The following CTTN variants were observed in gnomAD, a reference collection of about 807,000 sequenced individuals.
The protein encoded by CTTN is cortactin, also known as src substrate cortactin.
A neutral mutation model predicts 84.0 loss-of-function variants in CTTN; 28 were observed. The ratio of observed to expected loss-of-function variants is 0.33; its 90% CI spans 0.25 to 0.46. The LOEUF is 0.46. Ranked by LOEUF, CTTN falls within the 20% of genes least tolerant of loss-of-function variation. CTTN has a pLI of 1.00. For synonymous variants in CTTN, 301 were observed against 288.8 expected (o/e 1.04, Z -0.43); for missense variants, 641 against 723.8 (o/e 0.89, Z 1.31).
At chr11:70,398,683 G>A (rs2057938087) in intron 1 of CTTN, 69 bp downstream of exon 1, 1 of 152,198 alleles carries the variant, frequency 6.6e-6, no homozygotes, top group Admixed American at 6.6e-5. Flanking sequence ...GGCGTCGCCT[G>A]GCCGCGAAAG....
rs754487720 is a variant in CTTN, at chr11:70,435,559, G to A, written c.*397G>A. ...CAGGACAAGCACGAGGCCTCAGGTC[G>A]GCCCTGTGGCGGGTAGGCAGGAAGG... On this transcript the variant is annotated 3_prime_UTR_variant, in exon 18 of 18. Transcript: ENST00000301843. The A allele has an allele frequency of 8.1e-5, 128 of 1,577,658 alleles. No homozygotes were observed. In the East Asian group the frequency reaches 2.6e-3, roughly 32 times the overall value.
At chr11:70,422,505 A>G (rs1319562957) in intron 11 of CTTN, 2 of 1,289,956 alleles carry the variant, frequency 1.6e-6, no homozygotes, top group African/African-American at 3.0e-5. Context: ...TTTCTCTTAA[A>G]AAGCAAGAGA....
At chr11:70,434,728 A>G (rs951876269) in intron 17 of CTTN, among the ~76,000 whole-genome samples, 1 of 152,200 alleles carries the variant, frequency 6.6e-6, no homozygotes, top group Non-Finnish European at 1.5e-5. Context: ...AGAGAGGGGA[A>G]GGGAGGGCAG....
chr11:70,428,459 C>T (rs1396344820), intron 13 of CTTN, among the ~76,000 whole-genome samples: 6 of 152,028 alleles, frequency 3.9e-5, no homozygotes, highest in Non-Finnish European at 7.4e-5. Context: ...CCACCATGCC[C>T]GGCCATATTC....
At chr11:70,425,964 A>G (rs1638624211) in intron 13 of CTTN, among the ~76,000 whole-genome samples, 3 of 152,226 alleles carry the variant, frequency 2.0e-5, no homozygotes, top group Admixed American at 2.0e-4. Flanking sequence ...TAAATTTAAC[A>G]CAGGATGCAG....
chr11:70,428,906 C>T, intron 13 of CTTN, 145 bp from the exon 14 acceptor site: 2 of 989,514 alleles, frequency 2.0e-6, no homozygotes, highest in Non-Finnish European at 3.1e-6. Context: ...GTGGGCTGAG[C>T]TGGCAGCTGC....
At position 70,431,292 on chromosome 11, in the gene CTTN, T is replaced by C; in HGVS notation, c.1266+12T>C. 6.2e-7 allele frequency: 1 copy of C among 1,613,782 alleles called. No homozygotes were observed. Among genetic ancestry groups the C allele is most frequent in the Non-Finnish European group, 8.5e-7 (1 of 1,179,762 alleles). On this transcript the variant is annotated intron_variant, in intron 15 of 17. Coordinates refer to ENST00000301843, the MANE Select transcript of CTTN (RefSeq NM_005231.4). ...GCCCCGTCTATGAGGTTGGTGTCTT[T>C]GGTGTTTGAATGAGCGTGAGTGACT...
Position 70,429,039 on chromosome 11 carries a change from C to T in CTTN, c.1028-12C>T. Reference sequence around the variant, plus strand: ...GTGCTCAAGGCACACGTCCTCCCTCCTTCCTCTATAGTGACCAGCAAAACA... The same window carrying T: ...GTGCTCAAGGCACACGTCCTCCCTCTTTCCTCTATAGTGACCAGCAAAACA... On this transcript the variant is annotated splice_polypyrimidine_tract_variant and intron_variant, in intron 13 of 17. Coordinates refer to ENST00000301843, the MANE Select transcript of CTTN (RefSeq NM_005231.4). 1 of 1,614,076 alleles carries T rather than the reference C, an allele frequency of 6.2e-7. No homozygotes were observed. Among genetic ancestry groups the T allele is most frequent in the Non-Finnish European group, 8.5e-7 (1 of 1,179,928 alleles).
chr11:70,436,463 G>GCTCATTGTGGTAA lies in CTTN; in HGVS notation c.*1301_*1302insCTCATTGTGGTAA. On this transcript the variant is annotated 3_prime_UTR_variant, in exon 18 of 18. Coordinates refer to ENST00000301843, the MANE Select transcript of CTTN (RefSeq NM_005231.4). ...CTCATCATCCTTGCTTTACCACAAT[G>GCTCATTGTGGTAA]AGCAATGAGGTCGGGTTTTATATGC... is the stretch of plus-strand genomic sequence containing the variant. 6.6e-7 allele frequency: 1 copy of GCTCATTGTGGTAA among 1,511,388 alleles called. No homozygotes were observed. Among genetic ancestry groups the GCTCATTGTGGTAA allele is most frequent in the Non-Finnish European group, 9.1e-7 (1 of 1,104,738 alleles). The allele number at this position is 1,511,388 out of a possible 1,614,324, so 93.6% of individuals were successfully genotyped here.
chr11:70,420,044 T>C, intron 9 of CTTN, 188 bp downstream of exon 9: 1 of 615,578 alleles, frequency 1.6e-6, no homozygotes, highest in Non-Finnish European at 2.9e-6. Context: ...GCAGCTTGAG[T>C]GTTATGGCGC....
chr11:70,422,127 G>A (rs1339638689), intron 11 of CTTN: 5 of 270,734 alleles, frequency 1.8e-5, no homozygotes, highest in East Asian at 8.4e-5. Context: ...GACACCATAT[G>A]TGTGTAACAT....
At chr11:70,428,275 C>T (rs1330107047) in intron 13 of CTTN, among the ~76,000 whole-genome samples, 2 of 149,694 alleles carry the variant, frequency 1.3e-5, no homozygotes, top group Non-Finnish European at 1.5e-5. Context: ...AAGCGATTCT[C>T]CTGCCTCAGC....
In CTTN at chr11:70,435,386, C is replaced by T. The variant is rs538973171; in HGVS notation, c.*224C>T. The T allele has an allele frequency of 1.3e-6, 2 of 1,491,138 alleles. No homozygotes were observed. Among genetic ancestry groups the T allele is most frequent in the East Asian group, 2.5e-5 (1 of 40,402 alleles). 92.4% of individuals were successfully genotyped at this position (1,491,138 alleles called of 1,614,324 possible). The stretch of plus-strand genomic sequence containing the variant: ...TTGCTAATATATTGTAATCACATTC[C>T]TTAGGAGGACTTTGGTAATTGGTTT... On this transcript the variant is annotated 3_prime_UTR_variant, in exon 18 of 18. Transcript: ENST00000301843.
chr11:70,412,660 C>T (rs2058107510), intron 5 of CTTN, among the ~76,000 whole-genome samples: 1 of 152,216 alleles, frequency 6.6e-6, no homozygotes, highest in Non-Finnish European at 1.5e-5. Context: ...GAGCACACTG[C>T]ACCTTTCCCT....
intron 15 of CTTN, among the ~76,000 whole-genome samples, chr11:70,432,295 C>T (rs992425028): frequency 3.9e-5 from 6 of 152,348 alleles, no homozygotes; most frequent in South Asian, 4.1e-4. Context: ...CTGCCCCTCC[C>T]GTGCAGTTCA....
In CTTN at chr11:70,432,900, G is replaced by GA. The variant is rs76919043; in HGVS notation, c.1267-199dup. Among the ~76,000 whole-genome samples the GA allele has an allele frequency of 5.3e-4, 80 of 152,302 alleles. 2 individuals are homozygous for GA. In the East Asian group the frequency reaches 0.015, roughly 29 times the overall value. On this transcript the variant is annotated intron_variant, in intron 15 of 17. Coordinates refer to ENST00000301843, the MANE Select transcript of CTTN (RefSeq NM_005231.4). ...GTGGTGAGGACCGGGTCATCATCGG[G>GA]AAGGAAATGGCATGTGGGCACTCAC...
At chr11:70,405,807 G>A (rs1350948698) in intron 2 of CTTN, among the ~76,000 whole-genome samples, 1 of 152,184 alleles carries the variant, frequency 6.6e-6, no homozygotes, top group Non-Finnish European at 1.5e-5. Context: ...CTTTGCCTTG[G>A]GGGTGAAGGT....
chr11:70,415,836 T>G lies in CTTN; in HGVS notation c.457+119T>G. ...CCTGATGGGGAGAGTCACAGCCACC[T>G]GAAGCCGTTTCCTGAGCGGTGGCTG... On this transcript the variant is annotated intron_variant, in intron 7 of 17. Coordinates refer to ENST00000301843, the MANE Select transcript of CTTN (RefSeq NM_005231.4). The G allele has an allele frequency of 3.2e-6, 3 of 932,506 alleles. No homozygotes were observed. The South Asian group carries it at 4.1e-5, about 13-fold the overall frequency. 57.8% of individuals were successfully genotyped at this position (932,506 alleles called of 1,614,324 possible). A position where few individuals can be genotyped will look rare whatever the true frequency, so the allele number is the denominator to read the frequency against.
At chr11:70,423,111 C>CGTGGTGGTG (rs532013179) in intron 12 of CTTN, 116 bp downstream of exon 12, 27 of 1,260,760 alleles carry the variant, frequency 2.1e-5, no homozygotes, top group Non-Finnish European at 2.8e-5. Context: ...TGATTTCCGT[C>CGTGGTGGTG]GTGGTGGTGG....
Sources: gnomAD v4.1 joint callset for allele counts (sites outside exome capture counted in the v4.1 genomes callset) on GRCh38, gnomAD v4.1.1 for gene constraint, MANE v1.5 for transcripts, NCBI Gene and HGNC (gene_info 2026-07-23, HGNC 2026-07-21) for gene names.